The following CSTF2 variants were observed in gnomAD, a reference collection of about 807,000 sequenced individuals.
CSTF2 encodes the protein CF-1 64 kDa subunit.
Under a neutral mutation model 45.4 loss-of-function variants are expected in CSTF2, and 8 were observed. That is an observed-to-expected ratio of 0.18 (90% CI 0.10 to 0.32). The LOEUF (loss-of-function observed/expected upper bound fraction) is 0.32, where lower values mean the gene tolerates loss of function less well. CSTF2 is among the 10% of genes least tolerant of loss of function. The pLI, the probability that CSTF2 is intolerant of heterozygous loss-of-function variation, is 1.00. For synonymous variants in CSTF2, 155 were observed against 158.9 expected (o/e 0.98, Z 0.18); for missense variants, 253 against 477.1 (o/e 0.53, Z 4.38).
chrX:100,821,743 A>C (rs902693854), intron 2 of CSTF2, 138 bp downstream of exon 2: 6 of 462,622 alleles, frequency 1.3e-5, no homozygotes, highest in Non-Finnish European at 2.3e-5. Context: ...TTGAGATATA[A>C]TTGATACACT....
At chrX:100,835,481 G>A (rs948616710) in intron 11 of CSTF2, among the ~76,000 whole-genome samples, 6 of 108,566 alleles carry the variant, frequency 5.5e-5, no homozygotes, top group Non-Finnish European at 1.1e-4. Context: ...ACTTTTATTA[G>A]ATTTTTCATG....
intron 11 of CSTF2, 45 bp downstream of exon 11, chrX:100,833,517 T>G (rs2084989489): frequency 9.0e-7 from 1 of 1,111,773 alleles, no homozygotes; most frequent in Non-Finnish European, 1.2e-6. Flanking sequence ...AATCTTGATC[T>G]ATTCAGGAAT....
At chrX:100,839,065 G>A (rs1462161743) in intron 13 of CSTF2, among the ~76,000 whole-genome samples, 1 of 109,844 alleles carries the variant, frequency 9.1e-6, no homozygotes, top group African/African-American at 3.3e-5. Flanking sequence ...AAGCAACATA[G>A]TGAGACCCCA....
rs781187830 is a variant in CSTF2 at position 100,823,993 on chromosome X, G to A, written c.552G>A (p.Pro184=). Residue 184 remains proline, a synonymous_variant, in exon 5 of 14, where the codon CCG becomes CCA. Coordinates refer to ENST00000372972, the MANE Select transcript of CSTF2 (RefSeq NM_001325.3). ...AGGTAGTGATGAGAATTGTGGATCC[G>A]GAAATTGCCCTGGTGAGTGCTTCTG... The part of the protein sequence containing the change: ...QAQVVMRIVD[P]EIALKILHRQ... 13 of 1,210,601 alleles carry A rather than the reference G, an allele frequency of 1.1e-5. No individual in the cohort carries two copies. In the East Asian group the frequency reaches 1.2e-4, roughly 11 times the overall value.
chrX:100,838,816 A>T (rs954924412), intron 13 of CSTF2, among the ~76,000 whole-genome samples: 1 of 111,889 alleles, frequency 8.9e-6, no homozygotes, highest in Non-Finnish European at 1.9e-5. Context: ...TATTTATTTT[A>T]TAGGGAATAT....
intron 8 of CSTF2, chrX:100,830,810 A>G: frequency 1.7e-6 from 2 of 1,152,047 alleles, no homozygotes; most frequent in Non-Finnish European, 2.3e-6. Context: ...TTACCTAGGA[A>G]CCCTACAGCA....
intron 7 of CSTF2, 30 bp from the exon 8 acceptor site, chrX:100,828,010 G>T: frequency 8.5e-7 from 1 of 1,183,415 alleles, no homozygotes; most frequent in Non-Finnish European, 1.1e-6. Flanking sequence ...TCTAATTGGT[G>T]TTTTTTCTTG....
intron 2 of CSTF2, among the ~76,000 whole-genome samples, chrX:100,822,017 C>T (rs752005052): frequency 9.2e-6 from 1 of 109,075 alleles, no homozygotes; most frequent in Non-Finnish European, 1.9e-5. Context: ...TGCTTGAACC[C>T]GGGAGGCAGA....
chrX:100,828,697 A>G (rs1300810091), intron 8 of CSTF2, among the ~76,000 whole-genome samples: 1 of 112,149 alleles, frequency 8.9e-6, no homozygotes, highest in Non-Finnish European at 1.9e-5. Context: ...TTGTTTCTTC[A>G]TGTTACTGGA....
chrX:100,837,401 C>A lies in CSTF2; in HGVS notation c.1563C>A (p.Gly521=). The stretch of plus-strand genomic sequence containing the variant: ...GTATACAGGGTGGAAGCCAGCCTGG[C>A]GGCTTTAGTCCCGGGCAGAACCAAG... The part of the protein sequence containing the change: ...GASIQGGSQP[G]GFSPGQNQVT... The change falls in exon 12 of 14, where the codon GGC becomes GGA. Residue 521 remains glycine (G), a synonymous_variant. Transcript: ENST00000372972. 1 of 1,209,777 alleles carries A rather than the reference C, an allele frequency of 8.3e-7. No homozygotes were observed. The highest frequency in any genetic ancestry group is 3.0e-5 in the East Asian group (1 of 33,763).
At chrX:100,826,526 G>GT in intron 6 of CSTF2, 108 bp from the exon 7 acceptor site, 1 of 708,240 alleles carries the variant, frequency 1.4e-6, no homozygotes, top group African/African-American at 2.1e-5. Context: ...AGGATGTTTA[G>GT]TAGTGTATTT....
intron 8 of CSTF2, among the ~76,000 whole-genome samples, chrX:100,828,629 G>A (rs1389684749): frequency 8.9e-6 from 1 of 112,117 alleles, no homozygotes; most frequent in Non-Finnish European, 1.9e-5. Context: ...ATGAACATAT[G>A]TTGTACCGTG....
At chrX:100,820,582 CT>C in intron 1 of CSTF2, 108 bp downstream of exon 1, 1 of 821,706 alleles carries the variant, frequency 1.2e-6, no homozygotes, top group East Asian at 3.2e-5. Flanking sequence ...GCAGTTCTCC[CT>C]GCTTATCCTG....
At chrX:100,836,069 T>A in intron 11 of CSTF2, among the ~76,000 whole-genome samples, 1 of 112,128 alleles carries the variant, frequency 8.9e-6, no homozygotes, top group Non-Finnish European at 1.9e-5. Context: ...TCAGTATTGA[T>A]AATGAACAGA....
In CSTF2 at chrX:100,830,847, C is replaced by T. The variant is rs1197637273; in HGVS notation, c.890-668C>T. 2.6e-6 allele frequency: 3 copies of T among 1,152,626 alleles called. No homozygotes were observed. In the African/African-American group the frequency reaches 5.4e-5, roughly 21 times the overall value. 95.0% of individuals were successfully genotyped at this position (1,152,626 alleles called of 1,213,427 possible). ...TCGCCCGTGGGACCCGCCGGGCCTG[C>T]ATCAATTGAGCGAGTTCAAGGTACC... On this transcript the variant is annotated intron_variant, in intron 8 of 13. Coordinates refer to ENST00000372972, the MANE Select transcript of CSTF2 (RefSeq NM_001325.3).
At chrX:100,832,941 T>G in intron 10 of CSTF2, 32 bp downstream of exon 10, 1 of 1,145,754 alleles carries the variant, frequency 8.7e-7, no homozygotes. Context: ...AATGCCATAA[T>G]GAACTCAACT....
At chrX:100,820,987 A>G (rs973697637) in intron 1 of CSTF2, among the ~76,000 whole-genome samples, 5 of 112,767 alleles carry the variant, frequency 4.4e-5, no homozygotes, top group African/African-American at 1.6e-4. Flanking sequence ...CCTCAGAGGA[A>G]TTTTAAAAAG....
chrX:100,828,350 A>T (rs140971340), intron 8 of CSTF2, among the ~76,000 whole-genome samples: 1 of 112,046 alleles, frequency 8.9e-6, no homozygotes, highest in East Asian at 2.8e-4. Flanking sequence ...TCGTAAAAAG[A>T]TCTATTGGAC....
In CSTF2 at chrX:100,837,330, T is replaced by G; in HGVS notation, c.1501-9T>G. 8.5e-7 allele frequency: 1 copy of G among 1,177,710 alleles called. No homozygotes were observed. Among genetic ancestry groups the G allele is most frequent in the Non-Finnish European group, 1.1e-6 (1 of 871,598 alleles). ...GCCAAAAATCTCTCTTTTCTCTTTG[T>G]ACACATAGGTCCCAGTCATGCAGGG... On this transcript the variant is annotated splice_polypyrimidine_tract_variant and intron_variant, in intron 11 of 13. Transcript: ENST00000372972.
Sources: gnomAD v4.1 joint callset for allele counts (sites outside exome capture counted in the v4.1 genomes callset) on GRCh38, gnomAD v4.1.1 for gene constraint, MANE v1.5 for transcripts, NCBI Gene and HGNC (gene_info 2026-07-23, HGNC 2026-07-21) for gene names.